The following SMAP1 variants were observed in gnomAD, a reference collection of about 807,000 sequenced individuals.
SMAP1 encodes small ArfGAP 1.
A neutral mutation model predicts 58.5 loss-of-function variants in SMAP1; 24 were observed. That is an observed-to-expected ratio of 0.41 (90% CI 0.30 to 0.58). The LOEUF (loss-of-function observed/expected upper bound fraction) is 0.58. Ranked by LOEUF, SMAP1 falls within the 20% of genes least tolerant of loss-of-function variation. SMAP1 has a pLI of 0.29. For missense variants in SMAP1, 563 were observed against 566.3 expected, an observed-to-expected ratio of 0.99 and a Z score of 0.06; for synonymous variants, 216 against 196.6, an observed-to-expected ratio of 1.10 and a Z score of -0.82.
At chr6:70,695,090 G>A (rs914111342) in intron 1 of SMAP1, among the ~76,000 whole-genome samples, 6 of 152,070 alleles carry the variant, frequency 3.9e-5, no homozygotes, top group Middle Eastern at 3.2e-3. Flanking sequence ...TTTTCTCATT[G>A]TTTGCTCTTG....
At chr6:70,784,851 A>G (rs1284826213) in intron 4 of SMAP1, among the ~76,000 whole-genome samples, 1 of 152,176 alleles carries the variant, frequency 6.6e-6, no homozygotes, top group Non-Finnish European at 1.5e-5. Context: ...CACAATAATA[A>G]TGGGAGACTT....
intron 4 of SMAP1, among the ~76,000 whole-genome samples, chr6:70,783,713 CGAAAT>C (rs1274751701): frequency 1.3e-5 from 2 of 151,444 alleles, no homozygotes; most frequent in African/African-American, 4.9e-5. Context: ...TGATGGAAGA[CGAAAT>C]GAATGAAATG....
intron 1 of SMAP1, among the ~76,000 whole-genome samples, chr6:70,679,245 C>G (rs985502677): frequency 6.6e-6 from 1 of 152,100 alleles, no homozygotes; most frequent in Non-Finnish European, 1.5e-5. Context: ...TCTCAAACCC[C>G]TGACCTCGAG....
intron 5 of SMAP1, among the ~76,000 whole-genome samples, chr6:70,793,445 A>G (rs182821289): frequency 4.9e-4 from 75 of 152,276 alleles, no homozygotes; most frequent in African/African-American, 1.5e-3. Flanking sequence ...TATCTTGAAC[A>G]TCTTAGTAGA....
chr6:70,693,040 C>T (rs947811115), intron 1 of SMAP1, among the ~76,000 whole-genome samples: 1 of 152,148 alleles, frequency 6.6e-6, no homozygotes, highest in African/African-American at 2.4e-5. Context: ...ACCTCGGCCT[C>T]CCAAAGTGCT....
Position 70,727,176 on chromosome 6 carries a change from C to T in SMAP1, c.119-5202C>T, listed in dbSNP as rs370006080. Among the ~76,000 whole-genome samples the T allele has an allele frequency of 5.3e-5, 8 of 152,084 alleles. No homozygotes were observed. The East Asian group carries it at 7.7e-4, about 15-fold the overall frequency. On this transcript the variant is annotated intron_variant, in intron 1 of 10. Transcript: ENST00000370455. ...AGGCTGGAGTGAATTGGCAGGGTCT[C>T]GGCTCACTGCAACCTCTGCCTTCCA...
At chr6:70,769,114 G>A (rs1303520491) in intron 3 of SMAP1, among the ~76,000 whole-genome samples, 1 of 152,162 alleles carries the variant, frequency 6.6e-6, no homozygotes, top group African/African-American at 2.4e-5. Context: ...TGGTCTGAGA[G>A]ACAGTTCGTT....
At chr6:70,788,817 T>G (rs1582191032) in intron 4 of SMAP1, among the ~76,000 whole-genome samples, 1 of 152,188 alleles carries the variant, frequency 6.6e-6, no homozygotes, top group South Asian at 2.1e-4. Context: ...ATATAATGTA[T>G]ATAAACTATT....
Position 70,860,769 on chromosome 6 carries a change from T to G in SMAP1, c.*435T>G, listed in dbSNP as rs1005687336. Reference sequence around the variant, plus strand: ...AATGTTTAATCATATAAATAGAATGTAAATGTCTCACTGAGCACTGTTTTC... The same window carrying G: ...AATGTTTAATCATATAAATAGAATGGAAATGTCTCACTGAGCACTGTTTTC... On this transcript the variant is annotated 3_prime_UTR_variant, in exon 11 of 11. Coordinates refer to ENST00000370455, the MANE Select transcript of SMAP1 (RefSeq NM_001044305.3). 10 of 399,384 alleles carry G rather than the reference T, an allele frequency of 2.5e-5. No homozygotes were observed. Among genetic ancestry groups the G allele is most frequent in the Non-Finnish European group, 4.4e-5 (10 of 226,362 alleles). The allele number at this position is 399,384 out of a possible 1,614,324, so 24.7% of individuals were successfully genotyped here. A position where few individuals can be genotyped will look rare whatever the true frequency, so the allele number is the denominator to read the frequency against.
intron 2 of SMAP1, among the ~76,000 whole-genome samples, chr6:70,747,060 C>T (rs140624590): frequency 1.3e-5 from 2 of 152,118 alleles, no homozygotes; most frequent in African/African-American, 2.4e-5. Context: ...TATTCACTTT[C>T]CTGCTTTGTG....
At chr6:70,719,294 G>A in intron 1 of SMAP1, among the ~76,000 whole-genome samples, 1 of 152,164 alleles carries the variant, frequency 6.6e-6, no homozygotes. Flanking sequence ...TGGATACAGG[G>A]ATACTTTTTT....
chr6:70,829,495 C>G (rs1770273317), intron 6 of SMAP1, among the ~76,000 whole-genome samples: 1 of 151,984 alleles, frequency 6.6e-6, no homozygotes, highest in African/African-American at 2.4e-5. Context: ...ATTTTTAAAT[C>G]TAATTTTTGA....
At chr6:70,826,961 GAAAA>G (rs1770155011) in intron 6 of SMAP1, among the ~76,000 whole-genome samples, 1 of 102,384 alleles carries the variant, frequency 9.8e-6, no homozygotes, top group Non-Finnish European at 2.1e-5. Context: ...AAAAAAAAAA[GAAAA>G]AGAAAAGAAA....
intron 3 of SMAP1, among the ~76,000 whole-genome samples, chr6:70,756,238 G>A (rs188333898): frequency 1.6e-4 from 24 of 152,094 alleles, no homozygotes; most frequent in African/African-American, 5.3e-4. Flanking sequence ...GTTTATTAAC[G>A]ATCAATTATA....
chr6:70,855,206 C>CT (rs1263003315), intron 8 of SMAP1, among the ~76,000 whole-genome samples: 1 of 152,240 alleles, frequency 6.6e-6, no homozygotes, highest in Non-Finnish European at 1.5e-5. Flanking sequence ...ATTAGATGCT[C>CT]TGCAGCTTCC....
intron 1 of SMAP1, among the ~76,000 whole-genome samples, chr6:70,681,337 T>TA (rs1766703266): frequency 6.6e-6 from 1 of 152,068 alleles, no homozygotes. Flanking sequence ...GAGGCTAGGG[T>TA]AGGAGGATCT....
intron 6 of SMAP1, among the ~76,000 whole-genome samples, chr6:70,802,980 G>A (rs561347328): frequency 3.3e-4 from 50 of 152,212 alleles, no homozygotes; most frequent in African/African-American, 1.1e-3. Flanking sequence ...TTTTTGTTGT[G>A]TCTCTGCCAG....
intron 2 of SMAP1, among the ~76,000 whole-genome samples, chr6:70,739,866 C>T (rs947594801): frequency 2.6e-5 from 4 of 151,592 alleles, no homozygotes; most frequent in African/African-American, 9.7e-5. Context: ...ATGTTTATTT[C>T]TGAAATGTTT....
intron 1 of SMAP1, among the ~76,000 whole-genome samples, chr6:70,706,285 T>C (rs1767834537): frequency 6.6e-6 from 1 of 152,186 alleles, no homozygotes; most frequent in African/African-American, 2.4e-5. Flanking sequence ...CAAAATTAAG[T>C]CTTACAGTAA....
Sources: gnomAD v4.1 joint callset for allele counts (sites outside exome capture counted in the v4.1 genomes callset) on GRCh38, gnomAD v4.1.1 for gene constraint, MANE v1.5 for transcripts, NCBI Gene and HGNC (gene_info 2026-07-23, HGNC 2026-07-21) for gene names.